SNPH: variants seen among roughly 807,000 people sequenced by gnomAD.
SNPH encodes syntaphilin.
In SNPH, 10 loss-of-function variants were observed where a neutral mutation model predicts 36.8. That is an observed-to-expected ratio of 0.27 (90% CI 0.17 to 0.46). The LOEUF is 0.46. Among genes scored for constraint, SNPH ranks in the 20% least tolerant of loss-of-function variants. The probability of loss-of-function intolerance (pLI) is 1.00; values close to 1 mark genes in which losing one functional copy is unlikely to be tolerated. For missense variants in SNPH, 622 were observed against 744.0 expected (o/e 0.84, Z 1.91); for synonymous variants, 281 against 312.2 (o/e 0.90, Z 1.05).
At chr20:1,282,928 C>T (rs1568542347) in intron 2 of SNPH, among the ~76,000 whole-genome samples, 2 of 152,022 alleles carry the variant, frequency 1.3e-5, no homozygotes, top group Non-Finnish European at 2.9e-5. Flanking sequence ...TATCAGGGGC[C>T]CCTAGGATGC....
rs368829176 is a variant in SNPH, at chr20:1,269,114, T to G, written c.-493+2354T>G. On this transcript the variant is annotated intron_variant, in intron 2 of 6. Transcript: ENST00000381867. ...TTAGAATCAAGTGGGACAACATGGA[T>G]ATGCAGTAGAAAGTCAGGAGACCCA... Among the ~76,000 whole-genome samples, 7 of 152,092 alleles carry G rather than the reference T, an allele frequency of 4.6e-5. No individual in the cohort carries two copies. The South Asian group carries it at 1.5e-3, about 32-fold the overall frequency.
chr20:1,298,207 A>AAAGTC (rs1386022359), intron 5 of SNPH, among the ~76,000 whole-genome samples: 1 of 150,296 alleles, frequency 6.7e-6, no homozygotes, highest in Non-Finnish European at 1.5e-5. Flanking sequence ...TGGAGCTAAT[A>AAAGTC]ACTCGGAAGC....
At chr20:1,301,484 C>T (rs1305090764) in intron 6 of SNPH, among the ~76,000 whole-genome samples, 2 of 150,826 alleles carry the variant, frequency 1.3e-5, no homozygotes, top group South Asian at 2.1e-4. Flanking sequence ...GCACGATGAT[C>T]GCTCCTTTTT....
intron 2 of SNPH, among the ~76,000 whole-genome samples, chr20:1,268,357 G>A (rs1026473961): frequency 1.3e-5 from 2 of 152,204 alleles, no homozygotes; most frequent in Non-Finnish European, 2.9e-5. Flanking sequence ...GAATCCCACT[G>A]TGGCTCTCTT....
chr20:1,306,148 AT>A lies in SNPH; in HGVS notation c.*97del. 8.4e-6 allele frequency: 9 copies of A among 1,071,158 alleles called. No homozygotes were observed. Among genetic ancestry groups the A allele is most frequent in the Non-Finnish European group, 1.1e-5 (9 of 793,194 alleles). The allele number at this position is 1,071,158 out of a possible 1,614,324, so 66.4% of individuals were successfully genotyped here. ...TTCTCCCATGGGCATCATCTTATTT[AT>A]TTAGTTTTGGGTGTGGAACTGTTTC... On this transcript the variant is annotated 3_prime_UTR_variant, in exon 7 of 7. Transcript: ENST00000381867.
At chr20:1,303,629 C>T (rs11906749) in intron 6 of SNPH, among the ~76,000 whole-genome samples, 6,864 of 152,272 alleles carry the variant, frequency 0.045, 490 homozygotes, top group African/African-American at 0.15. Context: ...TTCTAGGTGA[C>T]ACCATTGCTG....
At chr20:1,278,770 G>A (rs1242241466) in intron 2 of SNPH, among the ~76,000 whole-genome samples, 5 of 152,080 alleles carry the variant, frequency 3.3e-5, no homozygotes, top group South Asian at 2.1e-4. Context: ...TGCAACCTCC[G>A]CCTCCCGGGT....
chr20:1,300,365 G>T (rs2088490543), intron 5 of SNPH, among the ~76,000 whole-genome samples, 197 bp from the exon 6 acceptor site: 1 of 152,178 alleles, frequency 6.6e-6, no homozygotes, highest in Admixed American at 6.5e-5. Context: ...TGACATGATG[G>T]TCTTCACTTA....
At chr20:1,267,878 C>A (rs998526869) in intron 2 of SNPH, among the ~76,000 whole-genome samples, 1 of 152,184 alleles carries the variant, frequency 6.6e-6, no homozygotes, top group Non-Finnish European at 1.5e-5. Context: ...TCAGTTTCTC[C>A]ATCTGTAAAT....
Position 1,300,554 on chromosome 20 carries a change from C to T in SNPH, c.291-8C>T. On this transcript the variant is annotated splice_polypyrimidine_tract_variant and splice_region_variant and intron_variant, in intron 5 of 6. Transcript: ENST00000381867. ...CCTCCCTCCCTGATGATGGGCGTCC[C>T]CTTGCAGGCGCTCCATGAAATACAC... The T allele has an allele frequency of 1.2e-6, 2 of 1,613,878 alleles. No homozygotes were observed. The highest frequency in any genetic ancestry group is 8.5e-7 in the Non-Finnish European group (1 of 1,179,960).
chr20:1,267,636 A>G (rs1321363913), intron 2 of SNPH, among the ~76,000 whole-genome samples: 1 of 152,220 alleles, frequency 6.6e-6, no homozygotes, highest in Non-Finnish European at 1.5e-5. Context: ...GGATTAAATG[A>G]TGTGTATAAT....
chr20:1,304,832 C>CCAGG lies in SNPH; in HGVS notation c.441-34_441-31dup, dbSNP rs746226956. Reference sequence around the variant, plus strand: ...CCTGCCTCTCCTTGGCGGTGACAGACCAGGCAGGCAGGCAGTGAGCGTGTG... The same window carrying CCAGG: ...CCTGCCTCTCCTTGGCGGTGACAGACCAGGCAGGCAGGCAGGCAGTGAGCGTGTG... On this transcript the variant is annotated intron_variant, in intron 6 of 6. Coordinates refer to ENST00000381867, the MANE Select transcript of SNPH (RefSeq NM_001318234.2). This position sits in a 1 kb window ranked among gnomAD's most constrained non-coding sequence, Gnocchi z 4.3. 6 of 1,567,798 alleles carry CCAGG rather than the reference C, an allele frequency of 3.8e-6. No homozygotes were observed. The highest frequency in any genetic ancestry group is 1.3e-5 in the African/African-American group (1 of 74,358).
rs2088621673 is a variant in SNPH at position 1,309,173 on chromosome 20, T to C, written c.*3119T>C. ...ACAATGCAAACAGGTCACAGTGCAT[T>C]CCCATATTAGGCCATCCCCTTCACG... On this transcript the variant is annotated 3_prime_UTR_variant, in exon 7 of 7. Transcript: ENST00000381867. 6.6e-6 allele frequency: 1 copy of C among 152,588 alleles called. No homozygotes were observed. The highest frequency in any genetic ancestry group is 1.5e-5 in the Non-Finnish European group (1 of 68,050). The allele number at this position is 152,588 out of a possible 1,614,324, so 9.5% of individuals were successfully genotyped here. A position where few individuals can be genotyped will look rare whatever the true frequency, so the allele number is the denominator to read the frequency against.
intron 2 of SNPH, among the ~76,000 whole-genome samples, chr20:1,289,397 G>C (rs183460183): frequency 2.8e-3 from 426 of 152,230 alleles, no homozygotes; most frequent in Non-Finnish European, 4.1e-3. Flanking sequence ...TCAGGTAGAG[G>C]GGGGGCACTG....
At position 1,296,261 on chromosome 20, in the gene SNPH, G is replaced by A. The variant is rs549972502; in HGVS notation, c.22G>A (p.Glu8Lys). 33 of 1,544,022 alleles carry A rather than the reference G, an allele frequency of 2.1e-5. No homozygotes were observed. In the East Asian group the frequency reaches 3.6e-4, roughly 17 times the overall value. MPGSGPS[E>K]RMTWPGPALS... is the part of the protein sequence containing the mutation. ...AGCCATGCCGGGCAGCGGCCCCAGC[G>A]AGAGGATGACGTGGCCTGGCCCGGC... The change falls in exon 4 of 7, where the codon GAG (glutamate) becomes AAG (lysine). Residue 8 changes from glutamate (E) to lysine (K), a missense_variant. By Grantham distance (56) the Glu-to-Lys change is moderately conservative. Transcript: ENST00000381867.
intron 2 of SNPH, among the ~76,000 whole-genome samples, chr20:1,267,459 G>A (rs1282135241): frequency 6.6e-6 from 1 of 152,174 alleles, no homozygotes; most frequent in East Asian, 1.9e-4. Context: ...GTCGGGATGG[G>A]CTGGAGGAGC....
Position 1,296,154 on chromosome 20 carries a change from CCCTATT to C in SNPH, c.-84_-79del. 8.6e-7 allele frequency: 1 copy of C among 1,168,096 alleles called. No individual in the cohort carries two copies. 72.4% of individuals were successfully genotyped at this position (1,168,096 alleles called of 1,614,324 possible). A position where few individuals can be genotyped will look rare whatever the true frequency, so the allele number is the denominator to read the frequency against. On this transcript the variant is annotated 5_prime_UTR_variant, in exon 4 of 7. Transcript: ENST00000381867. ...TGGGTGGTGGGAACCTGTGCACCAGCCCTATTCAATTCACTGGTGGAGGCAGCCGTG... is the reference window on the plus strand; with the variant it reads ...TGGGTGGTGGGAACCTGTGCACCAGCCAATTCACTGGTGGAGGCAGCCGTG...
chr20:1,279,580 A>G (rs2088190414), intron 2 of SNPH, among the ~76,000 whole-genome samples: 1 of 150,636 alleles, frequency 6.6e-6, no homozygotes, highest in Non-Finnish European at 1.5e-5. Flanking sequence ...TGAGAGAGAC[A>G]CTGATAGAAA....
At position 1,306,005 on chromosome 20, in the gene SNPH, C is replaced by A; in HGVS notation, c.1568C>A (p.Ser523Ter). ...TCCATCCGCAGGATCAGCTGCCGCTCGCTGAGCCAGCCGAGTCCCAGCCCA... is the reference window on the plus strand; with the variant it reads ...TCCATCCGCAGGATCAGCTGCCGCTAGCTGAGCCAGCCGAGTCCCAGCCCA... The part of the protein sequence containing the change: ...LHSIRRISCR[S>*]LSQPSPSPAG... The change falls in exon 7 of 7, where the codon TCG (serine) becomes TAG (stop). Residue 523 changes from serine (S) to a stop codon, truncating the protein, a stop_gained. Coordinates refer to ENST00000381867, the MANE Select transcript of SNPH (RefSeq NM_001318234.2). LOFTEE classifies it high-confidence loss of function. 1 of 1,526,300 alleles carries A rather than the reference C, an allele frequency of 6.6e-7. No homozygotes were observed. Among genetic ancestry groups the A allele is most frequent in the South Asian group, 1.2e-5 (1 of 81,674 alleles). 94.5% of individuals were successfully genotyped at this position (1,526,300 alleles called of 1,614,324 possible).
Sources: gnomAD v4.1 joint callset for allele counts (sites outside exome capture counted in the v4.1 genomes callset) on GRCh38, gnomAD v4.1.1 for gene constraint, Gnocchi (gnomAD v3.1) non-coding constraint, MANE v1.5 for transcripts, NCBI Gene and HGNC (gene_info 2026-07-23, HGNC 2026-07-21) for gene names.